OR51B6: variants seen among roughly 807,000 people sequenced by gnomAD.
OR51B6 encodes olfactory receptor family 51 subfamily B member 6.
For synonymous variants in OR51B6, 154 were observed against 137.3 expected (o/e 1.12, Z -0.85); for missense variants, 502 against 382.2 (o/e 1.31, Z -2.61).
At position 5,352,123 on chromosome 11, in the gene OR51B6, T is replaced by C; in HGVS notation, c.616T>C (p.Leu206=). 6.2e-7 allele frequency: 1 copy of C among 1,614,206 alleles called. No homozygotes were observed. The highest frequency in any genetic ancestry group is 8.5e-7 in the Non-Finnish European group (1 of 1,180,024). ...YPVVVLFAMV[L]LDFLIIFFSY... is the part of the protein sequence containing the mutation. ...AGTTGTAGTTTTATTTGCAATGGTC[T>C]TGTTGGACTTTCTCATCATCTTTTT... Residue 206 remains leucine (L), a synonymous_variant, in exon 1 of 1, where the codon TTG becomes CTG. Transcript: ENST00000380219.
rs370581598 is a variant in OR51B6, at chr11:5,351,544, A to C, written c.37A>C (p.Thr13Pro). ...LNKSASTFQL[T>P]GFPGMEKAHH... ...TAAGTCTGCTTCCACCTTCCAGCTT[A>C]CTGGCTTCCCAGGCATGGAGAAGGC... The change falls in exon 1 of 1, where the codon ACT becomes CCT. Residue 13 changes from threonine (T) to proline (P), a missense_variant. Transcript: ENST00000380219. 1.9e-6 allele frequency: 3 copies of C among 1,613,550 alleles called. No homozygotes were observed. Among genetic ancestry groups the C allele is most frequent in the Non-Finnish European group, 2.5e-6 (3 of 1,179,848 alleles).
At position 5,352,232 on chromosome 11, in the gene OR51B6, A is replaced by T. The variant is rs368360716; in HGVS notation, c.725A>T (p.His242Leu). ...RAKALNTCVS[H>L]ICCILVFYVT... ...AAGGCCCTCAACACATGTGTCTCTCATATCTGCTGCATCCTGGTCTTCTAT... is the reference window on the plus strand; with the variant it reads ...AAGGCCCTCAACACATGTGTCTCTCTTATCTGCTGCATCCTGGTCTTCTAT... The change falls in exon 1 of 1, where the codon CAT (histidine) becomes CTT (leucine). Residue 242 changes from histidine to leucine, a missense_variant. Transcript: ENST00000380219. 2 of 1,614,030 alleles carry T rather than the reference A, an allele frequency of 1.2e-6. No homozygotes were observed. Among genetic ancestry groups the T allele is most frequent in the Non-Finnish European group, 1.7e-6 (2 of 1,179,998 alleles).
rs1249705806 is a variant in OR51B6 at position 5,352,277 on chromosome 11, C to A, written c.770C>A (p.Thr257Lys). Residue 257 changes from threonine to lysine, a missense_variant, in exon 1 of 1, where the codon ACA becomes AAA. By Grantham distance (78) the Thr-to-Lys change is moderately conservative. Transcript: ENST00000380219. ...LVFYVTVVCL[T>K]FIHRFGKHVP... ...TTCTATGTCACTGTAGTTTGTCTGA[C>A]ATTTATTCATAGGTTTGGAAAGCAT... 6.2e-7 allele frequency: 1 copy of A among 1,614,206 alleles called. No homozygotes were observed. Among genetic ancestry groups the A allele is most frequent in the Non-Finnish European group, 8.5e-7 (1 of 1,180,022 alleles).
Position 5,351,594 on chromosome 11 carries a change from A to C in OR51B6, c.87A>C (p.Leu29Phe), listed in dbSNP as rs371384887. The C allele has an allele frequency of 4.6e-5, 75 of 1,614,060 alleles. No homozygotes were observed. In the African/African-American group the frequency reaches 7.3e-4, roughly 16 times the overall value. The change falls in exon 1 of 1, where the codon TTA becomes TTC. Residue 29 changes from leucine (L) to phenylalanine (F), a missense_variant. Coordinates refer to ENST00000380219, the MANE Select transcript of OR51B6 (RefSeq NM_001004750.1). ...EKAHHWIFIP[L>F]LAAYISILLG... Reference sequence around the variant, plus strand: ...CACATCACTGGATATTCATCCCATTATTGGCAGCCTACATCTCCATACTTC... The same window carrying C: ...CACATCACTGGATATTCATCCCATTCTTGGCAGCCTACATCTCCATACTTC...
chr11:5,352,045 C>A lies in OR51B6; in HGVS notation c.538C>A (p.Gln180Lys), dbSNP rs1564916321. The A allele has an allele frequency of 1.2e-6, 2 of 1,614,004 alleles. No individual in the cohort carries two copies. Among genetic ancestry groups the A allele is most frequent in the Non-Finnish European group, 1.7e-6 (2 of 1,179,886 alleles). Residue 180 changes from glutamine (Q) to lysine (K), a missense_variant, in exon 1 of 1, where the codon CAA becomes AAA. Coordinates refer to ENST00000380219, the MANE Select transcript of OR51B6 (RefSeq NM_001004750.1). ...ACTCTCCCATGCTTTCTGTCTACAC[C>A]AAGATGTCATCAAGCTAGCCTGTGC... ...HVLSHAFCLH[Q>K]DVIKLACADI... is the part of the protein sequence containing the mutation.
In OR51B6 at chr11:5,352,234, A is replaced by G; in HGVS notation, c.727A>G (p.Ile243Val). The G allele has an allele frequency of 1.2e-6, 2 of 1,614,170 alleles. No homozygotes were observed. The highest frequency in any genetic ancestry group is 8.5e-7 in the Non-Finnish European group (1 of 1,179,998). The part of the protein sequence containing the change: ...AKALNTCVSH[I>V]CCILVFYVTV... The stretch of plus-strand genomic sequence containing the variant: ...GGCCCTCAACACATGTGTCTCTCAT[A>G]TCTGCTGCATCCTGGTCTTCTATGT... Residue 243 changes from isoleucine to valine, a missense_variant, in exon 1 of 1, where the codon ATC becomes GTC. Transcript: ENST00000380219.
chr11:5,351,562 G>A lies in OR51B6; in HGVS notation c.55G>A (p.Glu19Lys). ...CCAGCTTACTGGCTTCCCAGGCATG[G>A]AGAAGGCACATCACTGGATATTCAT... ...TFQLTGFPGM[E>K]KAHHWIFIPL... Residue 19 changes from glutamate to lysine, a missense_variant, in exon 1 of 1, where the codon GAG becomes AAG. By Grantham distance (56) the Glu-to-Lys change is moderately conservative. Coordinates refer to ENST00000380219, the MANE Select transcript of OR51B6 (RefSeq NM_001004750.1). 1 of 1,614,012 alleles carries A rather than the reference G, an allele frequency of 6.2e-7. No individual in the cohort carries two copies. The highest frequency in any genetic ancestry group is 8.5e-7 in the Non-Finnish European group (1 of 1,179,956).
rs756369765 is a variant in OR51B6, at chr11:5,352,094, A to G, written c.587A>G (p.Tyr196Cys). The change falls in exon 1 of 1, where the codon TAT (tyrosine) becomes TGT (cysteine). Residue 196 changes from tyrosine (Y) to cysteine (C), a missense_variant. Physicochemically the swap from Tyr to Cys is radical, Grantham distance 194. Coordinates refer to ENST00000380219, the MANE Select transcript of OR51B6 (RefSeq NM_001004750.1). ...ACADITFNRL[Y>C]PVVVLFAMVL... is the part of the protein sequence containing the mutation. ...GCTGACATCACCTTCAACCGTCTCT[A>G]TCCAGTTGTAGTTTTATTTGCAATG... 13 of 1,613,964 alleles carry G rather than the reference A, an allele frequency of 8.1e-6. No individual in the cohort carries two copies. The African/African-American group carries it at 1.6e-4, about 20-fold the overall frequency.
In OR51B6 at chr11:5,351,901, T is replaced by C. The variant is rs1234202074; in HGVS notation, c.394T>C (p.Ser132Pro). The change falls in exon 1 of 1, where the codon TCT becomes CCT. Residue 132 changes from serine to proline, a missense_variant. Transcript: ENST00000380219. ...ITIRSPLRYT[S>P]ILTNTQVMKI... ...CATCCGCAGCCCCTTAAGATATACC[T>C]CTATCCTGACCAACACCCAGGTAAT... 6.2e-7 allele frequency: 1 copy of C among 1,613,212 alleles called. No homozygotes were observed. Among genetic ancestry groups the C allele is most frequent in the South Asian group, 1.1e-5 (1 of 91,068 alleles).
At position 5,352,029 on chromosome 11, in the gene OR51B6, T is replaced by A. The variant is rs1589947747; in HGVS notation, c.522T>A (p.His174Gln). ...FPYCRSHVLS[H>Q]AFCLHQDVIK... Reference sequence around the variant, plus strand: ...ACTGTCGATCCCATGTACTCTCCCATGCTTTCTGTCTACACCAAGATGTCA... The same window carrying A: ...ACTGTCGATCCCATGTACTCTCCCAAGCTTTCTGTCTACACCAAGATGTCA... The change falls in exon 1 of 1, where the codon CAT (histidine) becomes CAA (glutamine). Residue 174 changes from histidine to glutamine, a missense_variant. Transcript: ENST00000380219. 3 of 1,613,876 alleles carry A rather than the reference T, an allele frequency of 1.9e-6. No homozygotes were observed. Among genetic ancestry groups the A allele is most frequent in the African/African-American group, 1.3e-5 (1 of 74,916 alleles).
chr11:5,352,102 G>T lies in OR51B6; in HGVS notation c.595G>T (p.Val199Leu), dbSNP rs775043301. 1 of 1,614,016 alleles carries T rather than the reference G, an allele frequency of 6.2e-7. No homozygotes were observed. Among genetic ancestry groups the T allele is most frequent in the Admixed American group, 1.7e-5 (1 of 59,996 alleles). Residue 199 changes from valine to leucine, a missense_variant, in exon 1 of 1, where the codon GTA becomes TTA. Transcript: ENST00000380219. ...DITFNRLYPV[V>L]VLFAMVLLDF... ...CACCTTCAACCGTCTCTATCCAGTTGTAGTTTTATTTGCAATGGTCTTGTT... is the reference window on the plus strand; with the variant it reads ...CACCTTCAACCGTCTCTATCCAGTTTTAGTTTTATTTGCAATGGTCTTGTT...
Position 5,351,890 on chromosome 11 carries a change from T to G in OR51B6, c.383T>G (p.Leu128Ter). ...TGTTTCATTACCATCCGCAGCCCCT[T>G]AAGATATACCTCTATCCTGACCAAC... Reference protein sequence around the residue: ...YDCFITIRSPLRYTSILTNTQ... With the variant: ...YDCFITIRSP Residue 128 changes from leucine (L) to a stop codon, truncating the protein, a stop_gained, in exon 1 of 1, where the codon TTA becomes TGA. Coordinates refer to ENST00000380219, the MANE Select transcript of OR51B6 (RefSeq NM_001004750.1). LOFTEE classifies it low-confidence loss of function (END_TRUNC). 2 of 1,613,126 alleles carry G rather than the reference T, an allele frequency of 1.2e-6. No homozygotes were observed. Among genetic ancestry groups the G allele is most frequent in the Non-Finnish European group, 1.7e-6 (2 of 1,179,128 alleles).
rs753316687 is a variant in OR51B6, at chr11:5,352,439, G to A, written c.932G>A (p.Arg311Lys). 6.3e-7 allele frequency: 1 copy of A among 1,579,358 alleles called. No homozygotes were observed. The highest frequency in any genetic ancestry group is 1.1e-5 in the South Asian group (1 of 88,856). Residue 311 changes from arginine (R) to lysine (K), a missense_variant, in exon 1 of 1, where the codon AGA becomes AAA. Arg to Lys is a conservative substitution (Grantham distance 26). Transcript: ENST00000380219. ...CGTTTATTCTCTCTGCCTCACTCTA[G>A]AGCATGACATTGTTTCACTGGTCTC... is the stretch of plus-strand genomic sequence containing the variant. ...ILRLFSLPHS[R>K]A
rs1179108034 is a variant in OR51B6 at position 5,351,969 on chromosome 11, T to C, written c.462T>C (p.Ile154=). ...VRVLTRAGLS[I]MPIVVRLHWF... Reference sequence around the variant, plus strand: ...TATTGACAAGGGCTGGTCTGTCCATTATGCCAATAGTTGTTCGCCTACACT... The same window carrying C: ...TATTGACAAGGGCTGGTCTGTCCATCATGCCAATAGTTGTTCGCCTACACT... The change falls in exon 1 of 1, where the codon ATT becomes ATC. Residue 154 remains isoleucine, a synonymous_variant. Coordinates refer to ENST00000380219, the MANE Select transcript of OR51B6 (RefSeq NM_001004750.1). 2 of 1,613,250 alleles carry C rather than the reference T, an allele frequency of 1.2e-6. No homozygotes were observed. The highest frequency in any genetic ancestry group is 4.5e-5 in the East Asian group (2 of 44,884).
In OR51B6 at chr11:5,351,828, C is replaced by T. The variant is rs1849093810; in HGVS notation, c.321C>T (p.Val107=). ...CCTATTTTATCCATACTCTTTCTGTCATGGAGTCAGGTGTCTTGCTTGCCA... is the reference window on the plus strand; with the variant it reads ...CCTATTTTATCCATACTCTTTCTGTTATGGAGTCAGGTGTCTTGCTTGCCA... ...SQAYFIHTLS[V]MESGVLLAMA... The change falls in exon 1 of 1, where the codon GTC becomes GTT. Residue 107 remains valine (V), a synonymous_variant. Transcript: ENST00000380219. 1 of 1,613,990 alleles carries T rather than the reference C, an allele frequency of 6.2e-7. No homozygotes were observed. The highest frequency in any genetic ancestry group is 8.5e-7 in the Non-Finnish European group (1 of 1,179,910).
Position 5,352,227 on chromosome 11 carries a change from C to G in OR51B6, c.720C>G (p.Val240=), listed in dbSNP as rs539691387. Residue 240 remains valine (V), a synonymous_variant, in exon 1 of 1, where the codon GTC becomes GTG. Coordinates refer to ENST00000380219, the MANE Select transcript of OR51B6 (RefSeq NM_001004750.1). ...GGGCCAAGGCCCTCAACACATGTGT[C>G]TCTCATATCTGCTGCATCCTGGTCT... ...GERAKALNTC[V]SHICCILVFY... is the part of the protein sequence containing the mutation. 1 of 1,614,166 alleles carries G rather than the reference C, an allele frequency of 6.2e-7. No homozygotes were observed. Among genetic ancestry groups the G allele is most frequent in the South Asian group, 1.1e-5 (1 of 91,086 alleles).
Position 5,351,673 on chromosome 11 carries a change from C to A in OR51B6, c.166C>A (p.Pro56Thr). The A allele has an allele frequency of 5.0e-6, 8 of 1,614,124 alleles. No homozygotes were observed. Among genetic ancestry groups the A allele is most frequent in the Non-Finnish European group, 6.8e-6 (8 of 1,179,992 alleles). Residue 56 changes from proline to threonine, a missense_variant, in exon 1 of 1, where the codon CCC becomes ACC. Physicochemically the swap from Pro to Thr is conservative, Grantham distance 38. Transcript: ENST00000380219. ...LIRNDHNLHE[P>T]MYYFLAMLAA... ...CAGGAATGATCATAACCTCCATGAG[C>A]CCATGTACTATTTCTTAGCTATGTT...
At position 5,352,143 on chromosome 11, in the gene OR51B6, C is replaced by G; in HGVS notation, c.636C>G (p.Ile212Met). The G allele has an allele frequency of 1.9e-6, 3 of 1,614,202 alleles. No homozygotes were observed. Among genetic ancestry groups the G allele is most frequent in the East Asian group, 4.5e-5 (2 of 44,890 alleles). ...FAMVLLDFLIIFFSYILILKT... is the reference protein window; with the variant it reads ...FAMVLLDFLIMFFSYILILKT... The stretch of plus-strand genomic sequence containing the variant: ...TGGTCTTGTTGGACTTTCTCATCAT[C>G]TTTTTCTCCTACATTTTGATTCTCA... The change falls in exon 1 of 1, where the codon ATC becomes ATG. Residue 212 changes from isoleucine to methionine, a missense_variant. Transcript: ENST00000380219.
chr11:5,351,785 G>A lies in OR51B6; in HGVS notation c.278G>A (p.Gly93Glu). ...TTAGATCACAGGGAGATTGGCCATG[G>A]AGCCTGCTTCTCTCAGGCCTATTTT... ...LWLDHREIGH[G>E]ACFSQAYFIH... Residue 93 changes from glycine (G) to glutamate (E), a missense_variant, in exon 1 of 1, where the codon GGA (glycine) becomes GAA (glutamate). Coordinates refer to ENST00000380219, the MANE Select transcript of OR51B6 (RefSeq NM_001004750.1). 3 of 1,614,080 alleles carry A rather than the reference G, an allele frequency of 1.9e-6. No homozygotes were observed. The highest frequency in any genetic ancestry group is 2.2e-5 in the East Asian group (1 of 44,882).
Sources: allele counts gnomAD v4.1 joint callset, GRCh38; gene constraint gnomAD v4.1.1; transcripts MANE v1.5; gene names NCBI Gene and HGNC (gene_info 2026-07-23, HGNC 2026-07-21).